Variants in APBB1 observed in about 807,000 individuals in gnomAD.
The protein encoded by APBB1 is adaptor protein FE65a2.
Under a neutral mutation model 78.4 loss-of-function variants are expected in APBB1, and 22 were observed. The ratio of observed to expected loss-of-function variants is 0.28; its 90% CI spans 0.20 to 0.40. The LOEUF (loss-of-function observed/expected upper bound fraction) is 0.40. APBB1 is among the 10% of genes least tolerant of loss of function. The pLI, the probability that APBB1 is intolerant of heterozygous loss-of-function variation, is 1.00. For synonymous variants in APBB1, 369 were observed against 372.7 expected (o/e 0.99, Z 0.12); for missense variants, 749 against 932.4 (o/e 0.80, Z 2.56).
In APBB1 at chr11:6,395,546, G is replaced by C; in HGVS notation, c.2121C>G (p.Ala707=). Residue 707 remains alanine (A), a synonymous_variant, in exon 15 of 15, where the codon GCC becomes GCG. Transcript: ENST00000609360. This position sits in a 1 kb window ranked among gnomAD's most constrained non-coding sequence, Gnocchi z 5.2. ...WGSLKPKRLG[A]HTP is the part of the protein sequence containing the mutation. ...GGTGGGGGCTTCTTCATGGGGTATGGGCCCCCAGCCGTTTGGGCTTCAGGG... is the reference window on the plus strand; with the variant it reads ...GGTGGGGGCTTCTTCATGGGGTATGCGCCCCCAGCCGTTTGGGCTTCAGGG... The C allele has an allele frequency of 6.4e-7, 1 of 1,563,858 alleles. No homozygotes were observed. Among genetic ancestry groups the C allele is most frequent in the Non-Finnish European group, 8.7e-7 (1 of 1,155,412 alleles).
rs139345068 is a variant in APBB1, at chr11:6,410,950, C to T, written c.398G>A (p.Arg133Gln). 8.7e-6 allele frequency: 14 copies of T among 1,614,090 alleles called. No individual in the cohort carries two copies. The African/African-American group carries it at 1.1e-4, about 12-fold the overall frequency. Reference sequence around the variant, plus strand: ...AGTGCTGATGATCAGGCCAGGTCCTCGTAGGCCTCGGTTGGCTGCGTTGTG... The same window carrying T: ...AGTGCTGATGATCAGGCCAGGTCCTTGTAGGCCTCGGTTGGCTGCGTTGTG... ...SAHNAANRGLRGPGLIISTQE... is the reference protein window; with the variant it reads ...SAHNAANRGLQGPGLIISTQE... Residue 133 changes from arginine (R) to glutamine (Q), a missense_variant, in exon 2 of 15, where the codon CGA becomes CAA. By Grantham distance (43) the Arg-to-Gln change is conservative. Around this residue, in one of 3 missense-constraint regions of APBB1, gnomAD observed 635 missense variants for 765.0 expected, o/e 0.83. Coordinates refer to ENST00000609360, the MANE Select transcript of APBB1 (RefSeq NM_001164.5).
Position 6,411,237 on chromosome 11 carries a change from G to A in APBB1, c.111C>T (p.Asn37=), listed in dbSNP as rs146256766. ...PLHAAHNQLL[N]AKLQATAVGP... is the part of the protein sequence containing the mutation. ...CCACAGCTGTGGCCTGCAGCTTGGC[G>A]TTGAGCAGCTGGTTGTGGGCAGCGT... is the stretch of plus-strand genomic sequence containing the variant. The change falls in exon 2 of 15, where the codon AAC becomes AAT. Residue 37 remains asparagine, a synonymous_variant. Transcript: ENST00000609360. The surrounding 1 kb of genome is among the most constrained non-coding windows in gnomAD (Gnocchi z 5.2). 13 of 1,607,144 alleles carry A rather than the reference G, an allele frequency of 8.1e-6. No homozygotes were observed. Among genetic ancestry groups the A allele is most frequent in the Admixed American group, 3.3e-5 (2 of 59,882 alleles).
intron 2 of APBB1, among the ~76,000 whole-genome samples, chr11:6,409,917 T>C (rs1348674108): frequency 1.3e-5 from 2 of 152,164 alleles, no homozygotes; most frequent in African/African-American, 2.4e-5. Context: ...AATATCCTAC[T>C]CCTGACAAAA....
rs1360474006 is a variant in APBB1 at position 6,395,938 on chromosome 11, G to A, written c.1813C>T (p.Arg605Trp). 1 of 1,613,854 alleles carries A rather than the reference G, an allele frequency of 6.2e-7. No individual in the cohort carries two copies. Among genetic ancestry groups the A allele is most frequent in the Non-Finnish European group, 8.5e-7 (1 of 1,179,970 alleles). The change falls in exon 14 of 15, where the codon CGG becomes TGG. Residue 605 changes from arginine to tryptophan, a missense_variant. Physicochemically the swap from Arg to Trp is moderately radical, Grantham distance 101. Coordinates refer to ENST00000609360, the MANE Select transcript of APBB1 (RefSeq NM_001164.5). The surrounding 1 kb of genome is among the most constrained non-coding windows in gnomAD (Gnocchi z 5.2). ...GCCAGGAAGGAGAGGAAACGCACCCGACACTCTCCCAGCACTGCCTCTGTC... is the reference window on the plus strand; with the variant it reads ...GCCAGGAAGGAGAGGAAACGCACCCAACACTCTCCCAGCACTGCCTCTGTC... The part of the protein sequence containing the change: ...QQTEAVLGEC[R>W]VRFLSFLAVG...
At position 6,411,803 on chromosome 11, in the gene APBB1, A is replaced by T. The variant is rs930347774; in HGVS notation, c.-14-442T>A. Among the ~76,000 whole-genome samples, 2 of 152,074 alleles carry T rather than the reference A, an allele frequency of 1.3e-5. No individual in the cohort carries two copies. The highest frequency in any genetic ancestry group is 1.3e-4 in the Admixed American group (2 of 15,278). ...CGGCCGCACTTCCATCCCAAGCCCC[A>T]TCACTGTAAGCTCCTCCGGCTGTGT... On this transcript the variant is annotated intron_variant, in intron 1 of 14. Coordinates refer to ENST00000609360, the MANE Select transcript of APBB1 (RefSeq NM_001164.5). This position sits in a 1 kb window ranked among gnomAD's most constrained non-coding sequence, Gnocchi z 5.2.
Position 6,395,405 on chromosome 11 carries a change from G to C in APBB1, c.*129C>G. The C allele has an allele frequency of 9.9e-7, 1 of 1,006,236 alleles. No homozygotes were observed. The highest frequency in any genetic ancestry group is 2.4e-5 in the South Asian group (1 of 41,904). 62.3% of individuals were successfully genotyped at this position (1,006,236 alleles called of 1,614,324 possible). A position where few individuals can be genotyped will look rare whatever the true frequency, so the allele number is the denominator to read the frequency against. On this transcript the variant is annotated 3_prime_UTR_variant, in exon 15 of 15. Transcript: ENST00000609360. The surrounding 1 kb of genome is among the most constrained non-coding windows in gnomAD (Gnocchi z 5.2). ...CTCCCCAGCTCCTAGGCAGGGAACC[G>C]TAGCTACTGGGGAGGGGCATATTTG... is the stretch of plus-strand genomic sequence containing the variant.
chr11:6,397,168 C>T (rs532220939), intron 12 of APBB1, among the ~76,000 whole-genome samples: 8 of 152,376 alleles, frequency 5.3e-5, no homozygotes, highest in African/African-American at 1.9e-4. Context: ...TGCACAATGC[C>T]AGTGCAAAAG....
chr11:6,396,318 C>G (rs1446939897), intron 12 of APBB1, 103 bp from the exon 13 acceptor site: 37 of 994,386 alleles, frequency 3.7e-5, no homozygotes, highest in Non-Finnish European at 5.1e-5. Context: ...GCCTTTGCCC[C>G]ATCCCCACTT....
rs557611563 is a variant in APBB1 at position 6,413,520 on chromosome 11, G to A, written c.-14-2159C>T. ...TTGCCCATCTCTCCAGGTGCGGTGC[G>A]CCCAGGCTGGAGTGCAATGGCACGA... On this transcript the variant is annotated intron_variant, in intron 1 of 14. Coordinates refer to ENST00000609360, the MANE Select transcript of APBB1 (RefSeq NM_001164.5). Among the ~76,000 whole-genome samples the A allele has an allele frequency of 2.8e-4, 43 of 152,260 alleles. 1 individual carries two copies. The highest frequency in any genetic ancestry group is 4.1e-4 in the African/African-American group (17 of 41,540).
intron 2 of APBB1, chr11:6,405,080 C>G: frequency 1.5e-6 from 2 of 1,376,216 alleles, no homozygotes; most frequent in South Asian, 3.3e-5. Flanking sequence ...TTCTTCCTCG[C>G]CCTGGCTCCC....
chr11:6,395,952 A>G lies in APBB1; in HGVS notation c.1799T>C (p.Val600Ala). The G allele has an allele frequency of 6.2e-7, 1 of 1,613,948 alleles. No homozygotes were observed. The highest frequency in any genetic ancestry group is 8.5e-7 in the Non-Finnish European group (1 of 1,179,922). Residue 600 changes from valine to alanine, a missense_variant, in exon 14 of 15, where the codon GTG (valine) becomes GCG (alanine). Val to Ala is a moderately conservative substitution (Grantham distance 64). This residue lies in a region of APBB1 where 18 missense variants were observed against 51.4 expected (regional missense o/e 0.35). Transcript: ENST00000609360. The surrounding 1 kb of genome is among the most constrained non-coding windows in gnomAD (Gnocchi z 5.2). ...LTILHQQTEAVLGECRVRFLS... is the reference protein window; with the variant it reads ...LTILHQQTEAALGECRVRFLS... ...GAAACGCACCCGACACTCTCCCAGC[A>G]CTGCCTCTGTCTGCATGGAGGGAAC...
chr11:6,406,112 G>A (rs1045810068), intron 2 of APBB1, among the ~76,000 whole-genome samples: 5 of 152,224 alleles, frequency 3.3e-5, no homozygotes, highest in Non-Finnish European at 7.3e-5. Flanking sequence ...CCCTTCTGGA[G>A]CTTGGCACAT....
At position 6,411,164 on chromosome 11, in the gene APBB1, G is replaced by A. The variant is rs1462986905; in HGVS notation, c.184C>T (p.Pro62Ser). Residue 62 changes from proline (P) to serine (S), a missense_variant, in exon 2 of 15, where the codon CCA (proline) becomes TCA (serine). This residue lies in a region of APBB1 where 635 missense variants were observed against 765.0 expected (regional missense o/e 0.83). Coordinates refer to ENST00000609360, the MANE Select transcript of APBB1 (RefSeq NM_001164.5). The surrounding 1 kb of genome is among the most constrained non-coding windows in gnomAD (Gnocchi z 5.2). The part of the protein sequence containing the change: ...SAMGEGGGPE[P>S]GPANAKWLKE... ...AGCCACTTGGCATTGGCAGGGCCTG[G>A]CTCAGGCCCACCACCCTCCCCCATG... The A allele has an allele frequency of 6.2e-7, 1 of 1,608,736 alleles. No homozygotes were observed. The highest frequency in any genetic ancestry group is 8.5e-7 in the Non-Finnish European group (1 of 1,179,476).
chr11:6,406,155 C>G (rs1848792318), intron 2 of APBB1, among the ~76,000 whole-genome samples: 1 of 152,260 alleles, frequency 6.6e-6, no homozygotes, highest in South Asian at 2.1e-4. Flanking sequence ...CCGGCCTTTG[C>G]TTTCACACAC....
intron 2 of APBB1, chr11:6,405,801 A>G: frequency 2.0e-6 from 1 of 503,648 alleles, no homozygotes; most frequent in Non-Finnish European, 2.6e-6. Flanking sequence ...CCTGAAACTT[A>G]GCTGAGGCTC....
At chr11:6,402,543 G>A in intron 7 of APBB1, 33 bp downstream of exon 7, 4 of 1,605,026 alleles carry the variant, frequency 2.5e-6, no homozygotes, top group Non-Finnish European at 3.4e-6. Context: ...CACTCTCACA[G>A]TACCACCCCC....
intron 2 of APBB1, among the ~76,000 whole-genome samples, chr11:6,409,985 C>A (rs1298871808): frequency 6.6e-6 from 1 of 151,962 alleles, no homozygotes; most frequent in Non-Finnish European, 1.5e-5. Context: ...CATTCCCAGT[C>A]TTTCCAAACA....
At position 6,401,829 on chromosome 11, in the gene APBB1, T is replaced by C. The variant is rs1000234926; in HGVS notation, c.1389-141A>G. ...CTGGTCCCCCATAGGTGCTGCCTTC[T>C]TGGGGGGGAGGGGTAGACAGGCAAG... On this transcript the variant is annotated intron_variant, in intron 9 of 14. Coordinates refer to ENST00000609360, the MANE Select transcript of APBB1 (RefSeq NM_001164.5). This position sits in a 1 kb window ranked among gnomAD's most constrained non-coding sequence, Gnocchi z 4.5. The C allele has an allele frequency of 4.2e-6, 6 of 1,420,224 alleles. No individual in the cohort carries two copies. The highest frequency in any genetic ancestry group is 5.9e-6 in the Non-Finnish European group (6 of 1,024,730). The allele number at this position is 1,420,224 out of a possible 1,614,324, so 88.0% of individuals were successfully genotyped here. A position where few individuals can be genotyped will look rare whatever the true frequency, so the allele number is the denominator to read the frequency against.
Position 6,401,076 on chromosome 11 carries a change from TG to T in APBB1, c.1589-5del, listed in dbSNP as rs2134056795. On this transcript the variant is annotated splice_polypyrimidine_tract_variant and splice_region_variant and intron_variant, in intron 11 of 14. Transcript: ENST00000609360. This position sits in a 1 kb window ranked among gnomAD's most constrained non-coding sequence, Gnocchi z 4.5. Reference sequence around the variant, plus strand: ...TTCTTAGGCGCTGGGAATTCCACTATGGGAAAGAAGAGAAGGTTGATCATGG... The same window carrying T: ...TTCTTAGGCGCTGGGAATTCCACTATGGAAAGAAGAGAAGGTTGATCATGG... 1 of 1,614,074 alleles carries T rather than the reference TG, an allele frequency of 6.2e-7. No individual in the cohort carries two copies. Among genetic ancestry groups the T allele is most frequent in the East Asian group, 2.2e-5 (1 of 44,864 alleles).
Sources: gnomAD v4.1 joint callset for allele counts (sites outside exome capture counted in the v4.1 genomes callset) on GRCh38, gnomAD v4.1.1 for gene constraint, gnomAD v4.1.1 regional missense constraint, Gnocchi (gnomAD v3.1) non-coding constraint, MANE v1.5 for transcripts, NCBI Gene and HGNC (gene_info 2026-07-23, HGNC 2026-07-21) for gene names.